Variants in LIPC observed in about 807,000 individuals in gnomAD.
LIPC encodes the protein hepatic triacylglycerol lipase.
Under a neutral mutation model 50.7 loss-of-function variants are expected in LIPC, and 44 were observed. The ratio of observed to expected loss-of-function variants is 0.87; its 90% CI spans 0.68 to 1.11. The LOEUF (loss-of-function observed/expected upper bound fraction) is 1.11, where lower values mean the gene tolerates loss of function less well. LIPC is among the 50% of genes most tolerant of loss of function. The probability of loss-of-function intolerance (pLI) is 0.00; values close to 1 mark genes in which losing one functional copy is unlikely to be tolerated. For missense variants in LIPC, 697 were observed against 648.2 expected (o/e 1.08, Z -0.82); for synonymous variants, 271 against 256.4 (o/e 1.06, Z -0.54).
rs535783509 is a variant in LIPC, at chr15:58,475,467, A to G, written c.88+43347A>G. ...TATACCTTTTCCCTGCCTCTGCCCA[A>G]CACACTCCCGTTCTTTCAACACCCA... On this transcript the variant is annotated intron_variant, in intron 1 of 8. Coordinates refer to ENST00000299022, the MANE Select transcript of LIPC (RefSeq NM_000236.3). Among the ~76,000 whole-genome samples, 11 of 152,196 alleles carry G rather than the reference A, an allele frequency of 7.2e-5. No homozygotes were observed. In the South Asian group the frequency reaches 2.3e-3, roughly 32 times the overall value.
intron 1 of LIPC, among the ~76,000 whole-genome samples, chr15:58,528,385 G>A (rs902326273): frequency 2.0e-5 from 3 of 152,154 alleles, no homozygotes; most frequent in African/African-American, 7.2e-5. Flanking sequence ...ATCCTATAAG[G>A]TAGGTACTAC....
At chr15:58,538,818 C>G (rs1482917955) in intron 2 of LIPC, among the ~76,000 whole-genome samples, 2 of 152,184 alleles carry the variant, frequency 1.3e-5, no homozygotes, top group Non-Finnish European at 1.5e-5. Context: ...CAGGAAGAAG[C>G]CTCCTTCCTG....
At chr15:58,467,126 T>C (rs1261097899) in intron 1 of LIPC, among the ~76,000 whole-genome samples, 3 of 152,190 alleles carry the variant, frequency 2.0e-5, no homozygotes, top group Admixed American at 2.0e-4. Flanking sequence ...TGCATTCCCA[T>C]CCAAATGTTT....
chr15:58,496,346 A>T (rs1258931544), intron 1 of LIPC, among the ~76,000 whole-genome samples: 1 of 152,150 alleles, frequency 6.6e-6, no homozygotes, highest in African/African-American at 2.4e-5. Flanking sequence ...GGGATTTACC[A>T]CTTCCTCTAA....
At chr15:58,547,582 A>C (rs1440592650) in intron 5 of LIPC, among the ~76,000 whole-genome samples, 1 of 152,022 alleles carries the variant, frequency 6.6e-6, no homozygotes, top group African/African-American at 2.4e-5. Context: ...GTGGTTCCTC[A>C]ACATCCCTTG....
intron 1 of LIPC, among the ~76,000 whole-genome samples, chr15:58,443,211 C>T (rs183773081): frequency 6.6e-5 from 10 of 152,250 alleles, no homozygotes; most frequent in Admixed American, 1.3e-4. Flanking sequence ...TGTGCCTGGC[C>T]GAGATATCCC....
At chr15:58,495,178 C>T (rs59265220) in intron 1 of LIPC, among the ~76,000 whole-genome samples, 4,775 of 152,224 alleles carry the variant, frequency 0.031, 73 homozygotes, top group Middle Eastern at 0.078. Context: ...GTGCTGATCC[C>T]GACTCTCATC....
intron 1 of LIPC, among the ~76,000 whole-genome samples, chr15:58,516,109 G>A (rs1892478717): frequency 6.6e-6 from 1 of 152,096 alleles, no homozygotes; most frequent in African/African-American, 2.4e-5. Context: ...GGGATTTTCT[G>A]CGCATCTTTG....
intron 1 of LIPC, among the ~76,000 whole-genome samples, chr15:58,505,454 G>A (rs1344991032): frequency 6.6e-6 from 1 of 152,226 alleles, no homozygotes; most frequent in African/African-American, 2.4e-5. Context: ...CACAAAGTGT[G>A]CTCAACAGCT....
At chr15:58,538,200 T>C in intron 1 of LIPC, 133 bp from the exon 2 acceptor site, 1 of 887,764 alleles carries the variant, frequency 1.1e-6, no homozygotes, top group Non-Finnish European at 1.9e-6. Context: ...CCCACAGTTG[T>C]GGCTCATTCT....
chr15:58,506,751 C>A (rs1328579976), intron 1 of LIPC, among the ~76,000 whole-genome samples: 1 of 152,182 alleles, frequency 6.6e-6, no homozygotes, highest in Non-Finnish European at 1.5e-5. Context: ...CTGCCCCCCA[C>A]CCTGACGTGG....
chr15:58,455,437 GA>G (rs1198263146), intron 1 of LIPC, among the ~76,000 whole-genome samples: 1 of 151,748 alleles, frequency 6.6e-6, no homozygotes, highest in African/African-American at 2.4e-5. Context: ...GAGAGCCATA[GA>G]AAAAAAATGT....
intron 1 of LIPC, among the ~76,000 whole-genome samples, chr15:58,535,746 A>C (rs1352025271): frequency 6.6e-6 from 1 of 152,214 alleles, no homozygotes; most frequent in Non-Finnish European, 1.5e-5. Flanking sequence ...GCTCTTTACA[A>C]ATATCTTATT....
chr15:58,527,770 T>C lies in LIPC; in HGVS notation c.89-10563T>C, dbSNP rs1320708533. On this transcript the variant is annotated intron_variant, in intron 1 of 8. Coordinates refer to ENST00000299022, the MANE Select transcript of LIPC (RefSeq NM_000236.3). ...ACATAGTAGGTGCTTAATAAATGTG[T>C]GGTTGAATGAATAAATGAATTAATG... Among the ~76,000 whole-genome samples, 3 of 152,074 alleles carry C rather than the reference T, an allele frequency of 2.0e-5. No homozygotes were observed. In the East Asian group the frequency reaches 5.8e-4, roughly 29 times the overall value.
chr15:58,531,309 G>A (rs1306391937), intron 1 of LIPC, among the ~76,000 whole-genome samples: 1 of 152,048 alleles, frequency 6.6e-6, no homozygotes, highest in Non-Finnish European at 1.5e-5. Flanking sequence ...ACCCTACCTT[G>A]AACCTACACA....
Position 58,535,501 on chromosome 15 carries a change from C to G in LIPC, c.89-2832C>G, listed in dbSNP as rs1046526269. 4.6e-5 allele frequency among the ~76,000 whole-genome samples: 7 copies of G among 152,204 alleles called. No individual in the cohort carries two copies. The East Asian group carries it at 1.3e-3, about 29-fold the overall frequency. ...CCATCTGACAACTGTTTTCCATGGT[C>G]TCTCCTGAACAGCCTCGAAGCCTCA... On this transcript the variant is annotated intron_variant, in intron 1 of 8. Coordinates refer to ENST00000299022, the MANE Select transcript of LIPC (RefSeq NM_000236.3).
At chr15:58,459,066 A>C (rs1894239566) in intron 1 of LIPC, among the ~76,000 whole-genome samples, 1 of 152,212 alleles carries the variant, frequency 6.6e-6, no homozygotes, top group Admixed American at 6.5e-5. Context: ...AATACATTCC[A>C]AGAGGGAGAG....
At chr15:58,510,926 T>G (rs866279480) in intron 1 of LIPC, among the ~76,000 whole-genome samples, 1 of 152,356 alleles carries the variant, frequency 6.6e-6, no homozygotes, top group African/African-American at 2.4e-5. Flanking sequence ...AGCACTTCCT[T>G]CCAGAAATAC....
chr15:58,496,518 G>GA, intron 1 of LIPC, among the ~76,000 whole-genome samples: 2 of 152,142 alleles, frequency 1.3e-5, no homozygotes, highest in South Asian at 4.1e-4. Context: ...AAGAATGACA[G>GA]AAAAAGATAT....
Sources: gnomAD v4.1 joint callset for allele counts (sites outside exome capture counted in the v4.1 genomes callset) on GRCh38, gnomAD v4.1.1 for gene constraint, MANE v1.5 for transcripts, NCBI Gene and HGNC (gene_info 2026-07-23, HGNC 2026-07-21) for gene names.